Variants in PTPRN2 observed in about 807,000 individuals in gnomAD.
PTPRN2 encodes receptor-type tyrosine-protein phosphatase N2.
In PTPRN2, 74 loss-of-function variants were observed where a neutral mutation model predicts 118.8. The ratio of observed to expected loss-of-function variants is 0.62; its 90% confidence interval spans 0.52 to 0.76. PTPRN2 has a LOEUF of 0.76. PTPRN2 is among the 30% of genes least tolerant of loss of function. The pLI is 0.00. For missense variants in PTPRN2, 1,481 were observed against 1,394.4 expected (o/e 1.06, Z -0.99); for synonymous variants, 641 against 608.0 (o/e 1.05, Z -0.80).
intron 12 of PTPRN2, among the ~76,000 whole-genome samples, chr7:157,830,731 C>T (rs569479412): frequency 6.6e-6 from 1 of 152,326 alleles, no homozygotes; most frequent in South Asian, 2.1e-4. Context: ...AAGACCAAAA[C>T]TAAAACGTAA....
chr7:158,453,095 C>T (rs1010680920), intron 2 of PTPRN2, among the ~76,000 whole-genome samples: 13 of 150,836 alleles, frequency 8.6e-5, no homozygotes, highest in African/African-American at 2.4e-4. Flanking sequence ...CAGTCCTCAC[C>T]GTACGGTGCA....
intron 2 of PTPRN2, among the ~76,000 whole-genome samples, chr7:158,416,929 T>C (rs866108699): frequency 2.6e-5 from 4 of 152,188 alleles, no homozygotes; most frequent in Middle Eastern, 3.2e-3. Flanking sequence ...CAGAAAGGGA[T>C]TGACACTCAG....
At chr7:157,814,142 A>T (rs1000975030) in intron 12 of PTPRN2, among the ~76,000 whole-genome samples, 2 of 152,242 alleles carry the variant, frequency 1.3e-5, no homozygotes, top group African/African-American at 2.4e-5. Context: ...TTCTCCTGCC[A>T]TCTGCTCAGG....
chr7:157,878,963 A>G (rs556498789), intron 12 of PTPRN2, among the ~76,000 whole-genome samples: 13 of 111,228 alleles, frequency 1.2e-4, no homozygotes, highest in African/African-American at 3.7e-4. Flanking sequence ...GTGTGATACC[A>G]TGCACCCACG....
chr7:158,155,625 TC>T (rs1821712642), intron 6 of PTPRN2, among the ~76,000 whole-genome samples: 3 of 140,324 alleles, frequency 2.1e-5, no homozygotes, highest in Admixed American at 7.1e-5. Flanking sequence ...AACACTATCA[TC>T]ACCATCATCA....
At chr7:157,582,256 C>T (rs1205901232) in intron 17 of PTPRN2, among the ~76,000 whole-genome samples, 1 of 152,226 alleles carries the variant, frequency 6.6e-6, no homozygotes, top group Non-Finnish European at 1.5e-5. Context: ...CACAGGGCCT[C>T]TTCACTCTAG....
chr7:158,350,511 A>T (rs893437677), intron 2 of PTPRN2, among the ~76,000 whole-genome samples: 5 of 152,224 alleles, frequency 3.3e-5, no homozygotes, highest in African/African-American at 4.8e-5. Context: ...TTTGTCTTCA[A>T]TGATTTTGAA....
chr7:158,324,517 A>G (rs4909065), intron 2 of PTPRN2, among the ~76,000 whole-genome samples: 146,814 of 151,972 alleles, frequency 0.97, 70,972 homozygotes, highest in African/African-American at 0.99. Flanking sequence ...TGGTGGGGGC[A>G]CCCTAGGAGG....
At chr7:158,103,809 C>T (rs1815440912) in intron 10 of PTPRN2, among the ~76,000 whole-genome samples, 1 of 152,164 alleles carries the variant, frequency 6.6e-6, no homozygotes, top group Non-Finnish European at 1.5e-5. Context: ...CCCACTCAGC[C>T]CATGATGGTT....
chr7:157,672,097 G>A (rs1460109819), intron 13 of PTPRN2, among the ~76,000 whole-genome samples: 9 of 152,082 alleles, frequency 5.9e-5, no homozygotes, highest in Admixed American at 6.5e-5. Flanking sequence ...GCCACGGGTC[G>A]CACGTGGGGT....
chr7:158,277,820 G>A (rs996958401), intron 3 of PTPRN2, among the ~76,000 whole-genome samples: 3 of 152,190 alleles, frequency 2.0e-5, no homozygotes, highest in African/African-American at 7.2e-5. Flanking sequence ...CTCCCACCTG[G>A]GGAGAGGAAT....
At position 158,587,769 on chromosome 7, in the gene PTPRN2, C is replaced by A; in HGVS notation, c.-100G>T. ...GGGAGGCGCGCGCCGCCGGCTCCTC[C>A]CGCCGCGCCTCTCGCGCTCTTGCGG... On this transcript the variant is annotated 5_prime_UTR_variant, in exon 1 of 23. Coordinates refer to ENST00000389418, the MANE Select transcript of PTPRN2 (RefSeq NM_002847.5). 9.8e-7 allele frequency: 1 copy of A among 1,023,794 alleles called. No homozygotes were observed. The highest frequency in any genetic ancestry group is 1.2e-6 in the Non-Finnish European group (1 of 854,804). The allele number at this position is 1,023,794 out of a possible 1,614,324, so 63.4% of individuals were successfully genotyped here. A position where few individuals can be genotyped will look rare whatever the true frequency, so the allele number is the denominator to read the frequency against.
At chr7:158,575,502 C>G (rs567961766) in intron 1 of PTPRN2, among the ~76,000 whole-genome samples, 1 of 152,314 alleles carries the variant, frequency 6.6e-6, no homozygotes, top group Middle Eastern at 3.4e-3. Context: ...ATAAGTGAGA[C>G]CACAGGTGTG....
At chr7:157,994,639 C>T (rs368038816) in intron 11 of PTPRN2, among the ~76,000 whole-genome samples, 59 of 144,942 alleles carry the variant, frequency 4.1e-4, no homozygotes, top group Non-Finnish European at 6.9e-4. Flanking sequence ...AAATCAACGC[C>T]GTGTCCCCAG....
At chr7:158,543,607 A>T (rs991072503) in intron 1 of PTPRN2, among the ~76,000 whole-genome samples, 10 of 152,256 alleles carry the variant, frequency 6.6e-5, no homozygotes, top group Admixed American at 6.5e-4. Flanking sequence ...CATACAGATA[A>T]AAATGTGATC....
At chr7:158,340,547 G>T (rs1394774367) in intron 2 of PTPRN2, among the ~76,000 whole-genome samples, 1 of 125,576 alleles carries the variant, frequency 8.0e-6, no homozygotes, top group African/African-American at 2.9e-5. Context: ...GTCGCCCGCA[G>T]AGGTCACTCA....
chr7:158,479,625 G>A (rs1005184480), intron 2 of PTPRN2, among the ~76,000 whole-genome samples: 1 of 152,190 alleles, frequency 6.6e-6, no homozygotes, highest in Non-Finnish European at 1.5e-5. Flanking sequence ...AAAGCACAAT[G>A]GGTTTGAAAA....
intron 11 of PTPRN2, among the ~76,000 whole-genome samples, chr7:157,938,136 C>T (rs915760622): frequency 1.1e-4 from 17 of 152,188 alleles, no homozygotes; most frequent in Non-Finnish European, 5.9e-5. Flanking sequence ...GAGGTCACCT[C>T]GAAGTGGGCC....
intron 12 of PTPRN2, among the ~76,000 whole-genome samples, chr7:157,781,844 T>A (rs73744890): frequency 0.014 from 2,062 of 152,368 alleles, 39 homozygotes; most frequent in African/African-American, 0.047. Context: ...CTGACTTCTG[T>A]GGCAAACCAC....
Sources: gnomAD v4.1 joint callset for allele counts (sites outside exome capture counted in the v4.1 genomes callset) on GRCh38, gnomAD v4.1.1 for gene constraint, MANE v1.5 for transcripts, NCBI Gene and HGNC (gene_info 2026-07-23, HGNC 2026-07-21) for gene names.